Variants in BCL9 observed in about 807,000 individuals in gnomAD.
BCL9 encodes the protein B-cell CLL/lymphoma 9 protein.
A neutral mutation model predicts 88.5 loss-of-function variants in BCL9; 25 were observed. The observed-to-expected ratio is 0.28, with a 90% CI of 0.21 to 0.39. The LOEUF is 0.39. Among genes scored for constraint, BCL9 ranks in the 10% least tolerant of loss-of-function variants. BCL9 has a pLI of 1.00. For missense variants in BCL9, 1,817 were observed against 1,877.8 expected, an observed-to-expected ratio of 0.97 and a Z score of 0.60; for synonymous variants, 711 against 673.3, an observed-to-expected ratio of 1.06 and a Z score of -0.87.
intron 1 of BCL9, among the ~76,000 whole-genome samples, chr1:147,596,201 C>G (rs1328263085): frequency 6.6e-6 from 1 of 152,128 alleles, no homozygotes; most frequent in African/African-American, 2.4e-5. Context: ...TTCCACCTAA[C>G]GAAGGAGACA....
At chr1:147,561,193 A>T (rs1321008664) in intron 1 of BCL9, among the ~76,000 whole-genome samples, 9 of 152,240 alleles carry the variant, frequency 5.9e-5, no homozygotes, top group Non-Finnish European at 7.4e-5. Context: ...TGAAACTTTT[A>T]TCTTTTTTTC....
chr1:147,546,341 A>T (rs587593789), intron 1 of BCL9, among the ~76,000 whole-genome samples: 108 of 152,238 alleles, frequency 7.1e-4, no homozygotes, highest in African/African-American at 2.4e-3. Context: ...CCAAAAAAAA[A>T]AAATAATAAA....
intron 1 of BCL9, among the ~76,000 whole-genome samples, chr1:147,590,213 T>G (rs970124361): frequency 6.6e-6 from 1 of 152,168 alleles, no homozygotes; most frequent in African/African-American, 2.4e-5. Flanking sequence ...TCCTGCCTAG[T>G]GTCATTTTTG....
chr1:147,560,922 G>C (rs1475276131), intron 1 of BCL9, among the ~76,000 whole-genome samples: 1 of 152,200 alleles, frequency 6.6e-6, no homozygotes, highest in East Asian at 1.9e-4. Flanking sequence ...TACTCATAAA[G>C]AGAGTCAAGG....
In BCL9 at chr1:147,612,739, C is replaced by G; in HGVS notation, c.54-144C>G. 4 of 771,782 alleles carry G rather than the reference C, an allele frequency of 5.2e-6. No homozygotes were observed. The East Asian group carries it at 1.1e-4, about 21-fold the overall frequency. The allele number at this position is 771,782 out of a possible 1,614,324, so 47.8% of individuals were successfully genotyped here. A position where few individuals can be genotyped will look rare whatever the true frequency, so the allele number is the denominator to read the frequency against. On this transcript the variant is annotated intron_variant, in intron 4 of 9. Coordinates refer to ENST00000234739, the MANE Select transcript of BCL9 (RefSeq NM_004326.4). ...GAGATGGGATCAGGGGTGGCGGGAGCAAGCAAATGGCTGAGGTGAATCATG... is the reference window on the plus strand; with the variant it reads ...GAGATGGGATCAGGGGTGGCGGGAGGAAGCAAATGGCTGAGGTGAATCATG...
chr1:147,570,653 T>TTTTTTTTTG (rs1481643504), intron 1 of BCL9, among the ~76,000 whole-genome samples: 1 of 51,258 alleles, frequency 2.0e-5, no homozygotes, highest in Non-Finnish European at 3.5e-5. Context: ...TTTTTTTTTG[T>TTTTTTTTTG]AGATGGAGTT....
In BCL9 at chr1:147,568,472, A is replaced by C. The variant is rs587639286; in HGVS notation, c.-478+26798A>C. ...CAAATACAAAGGTTGTTGAAAGAAA[A>C]AGCAAAAAAGAAAAAAAAAACAAGT... On this transcript the variant is annotated intron_variant, in intron 1 of 9. Transcript: ENST00000234739. Among the ~76,000 whole-genome samples the C allele has an allele frequency of 1.1e-4, 3 of 27,342 alleles. No individual in the cohort carries two copies. The East Asian group carries it at 3.7e-3, about 34-fold the overall frequency. The allele number at this position is 27,342 out of a possible 152,430, so 17.9% of individuals were successfully genotyped here.
At chr1:147,609,026 G>A (rs184082461) in intron 3 of BCL9, among the ~76,000 whole-genome samples, 29 of 152,256 alleles carry the variant, frequency 1.9e-4, no homozygotes, top group Admixed American at 1.9e-3. Context: ...GGGTTAACAT[G>A]TTTGTACAGT....
At chr1:147,562,751 A>G (rs2101504539) in intron 1 of BCL9, among the ~76,000 whole-genome samples, 1 of 152,338 alleles carries the variant, frequency 6.6e-6, no homozygotes, top group East Asian at 1.9e-4. Flanking sequence ...GCACTTGCAC[A>G]TTTATACTTA....
At chr1:147,610,764 G>A (rs1657956787) in intron 3 of BCL9, among the ~76,000 whole-genome samples, 1 of 152,190 alleles carries the variant, frequency 6.6e-6, no homozygotes, top group African/African-American at 2.4e-5. Context: ...CTGAATAAAG[G>A]ACTTTCTCAT....
intron 1 of BCL9, among the ~76,000 whole-genome samples, chr1:147,554,510 C>A (rs1235775141): frequency 5.9e-5 from 9 of 152,146 alleles, no homozygotes; most frequent in Admixed American, 5.9e-4. Flanking sequence ...AATCTCCAAT[C>A]CTCATTTTAG....
intron 1 of BCL9, among the ~76,000 whole-genome samples, chr1:147,555,714 G>A (rs1444080378): frequency 1.3e-5 from 2 of 151,978 alleles, no homozygotes; most frequent in East Asian, 1.9e-4. Context: ...TTTTTGTCCC[G>A]GGTTCTTTAA....
At chr1:147,610,631 C>CT (rs1657948247) in intron 3 of BCL9, among the ~76,000 whole-genome samples, 1 of 152,086 alleles carries the variant, frequency 6.6e-6, no homozygotes. Context: ...CAGTAAGATA[C>CT]TAGAAGCTGG....
chr1:147,572,593 C>G (rs587743430), intron 1 of BCL9, among the ~76,000 whole-genome samples: 25 of 152,212 alleles, frequency 1.6e-4, no homozygotes, highest in African/African-American at 4.8e-4. Flanking sequence ...TGTTTGTTTG[C>G]TTTTGAGACA....
chr1:147,590,459 TTCTTCTC>T (rs1204278008), intron 1 of BCL9, among the ~76,000 whole-genome samples: 1 of 152,208 alleles, frequency 6.6e-6, no homozygotes, highest in Non-Finnish European at 1.5e-5. Context: ...CTCTCCTGGC[TTCTTCTC>T]TCTTCTCTCT....
At chr1:147,567,286 T>G (rs1190829247) in intron 1 of BCL9, among the ~76,000 whole-genome samples, 2 of 152,166 alleles carry the variant, frequency 1.3e-5, no homozygotes, top group Non-Finnish European at 2.9e-5. Context: ...AGAAATCAAG[T>G]GAAATTTTTC....
At chr1:147,576,855 C>T (rs1325361538) in intron 1 of BCL9, among the ~76,000 whole-genome samples, 2 of 152,106 alleles carry the variant, frequency 1.3e-5, no homozygotes, top group African/African-American at 4.8e-5. Flanking sequence ...AAAGACGATA[C>T]CTTTTATATC....
intron 6 of BCL9, 51 bp from the exon 7 acceptor site, chr1:147,615,752 T>C: frequency 1.4e-6 from 2 of 1,448,988 alleles, no homozygotes; most frequent in Non-Finnish European, 9.7e-7. Context: ...GAATTACAGT[T>C]AGTGAAATAG....
At chr1:147,550,278 C>T (rs1654827239) in intron 1 of BCL9, among the ~76,000 whole-genome samples, 1 of 152,064 alleles carries the variant, frequency 6.6e-6, no homozygotes, top group South Asian at 2.1e-4. Flanking sequence ...TAGTACGAAC[C>T]ATGGAAGGGC....
Sources: allele counts gnomAD v4.1 joint callset (sites outside exome capture counted in the v4.1 genomes callset), GRCh38; gene constraint gnomAD v4.1.1; transcripts MANE v1.5; gene names NCBI Gene and HGNC (gene_info 2026-07-23, HGNC 2026-07-21).